The following SGIP1 variants were observed in gnomAD, a reference collection of about 807,000 sequenced individuals.
SGIP1 encodes the protein SH3-containing GRB2-like protein 3-interacting protein 1.
A neutral mutation model predicts 107.5 loss-of-function variants in SGIP1; 38 were observed. The ratio of observed to expected loss-of-function variants is 0.35; its 90% CI spans 0.27 to 0.46. The LOEUF (loss-of-function observed/expected upper bound fraction) is 0.46, where lower values mean the gene tolerates loss of function less well. SGIP1 is among the 20% of genes least tolerant of loss of function. SGIP1 has a pLI of 1.00. For missense variants in SGIP1, 929 were observed against 1,019.5 expected (o/e 0.91, Z 1.21); for synonymous variants, 365 against 366.1 (o/e 1.00, Z 0.03).
chr1:66,614,218 G>C (rs1287071725), intron 1 of SGIP1, among the ~76,000 whole-genome samples: 1 of 152,200 alleles, frequency 6.6e-6, no homozygotes, highest in Non-Finnish European at 1.5e-5. Context: ...ATTCTGAAGG[G>C]ATGGCTTAAT....
At chr1:66,644,261 A>C (rs954439081) in intron 7 of SGIP1, among the ~76,000 whole-genome samples, 2 of 152,132 alleles carry the variant, frequency 1.3e-5, no homozygotes, top group Non-Finnish European at 2.9e-5. Context: ...AAATAATCTC[A>C]TCTTTAAGGT....
chr1:66,713,662 G>A (rs997265330), intron 18 of SGIP1, among the ~76,000 whole-genome samples: 8 of 151,952 alleles, frequency 5.3e-5, no homozygotes, highest in Non-Finnish European at 7.4e-5. Context: ...AACTCCATAG[G>A]GGGAAGGATA....
intron 12 of SGIP1, among the ~76,000 whole-genome samples, chr1:66,675,541 C>CTTTTTTTTTTTTTT (rs71242802): frequency 1.8e-5 from 2 of 112,388 alleles, no homozygotes; most frequent in Non-Finnish European, 3.3e-5. Flanking sequence ...CTTTTTCTTT[C>CTTTTTTTTTTTTTT]TTTTTTTTTT....
chr1:66,579,648 T>G (rs72676179), intron 1 of SGIP1, among the ~76,000 whole-genome samples: 7,515 of 152,258 alleles, frequency 0.049, 282 homozygotes, highest in Non-Finnish European at 0.073. Flanking sequence ...CTTACTTTTT[T>G]GTCCACCCTT....
At chr1:66,589,193 T>C (rs1335536563) in intron 1 of SGIP1, among the ~76,000 whole-genome samples, 2 of 79,458 alleles carry the variant, frequency 2.5e-5, no homozygotes, top group Non-Finnish European at 4.9e-5. Flanking sequence ...TATATATATA[T>C]ATATATATAT....
chr1:66,720,020 T>C (rs2093444767), intron 19 of SGIP1, among the ~76,000 whole-genome samples: 1 of 152,224 alleles, frequency 6.6e-6, no homozygotes, highest in Non-Finnish European at 1.5e-5. Flanking sequence ...GAGCCTGATT[T>C]CACTTATACA....
chr1:66,645,131 T>C (rs1421376641), intron 7 of SGIP1, among the ~76,000 whole-genome samples: 1 of 152,236 alleles, frequency 6.6e-6, no homozygotes, highest in Non-Finnish European at 1.5e-5. Flanking sequence ...TCTGAGTTTG[T>C]TCTCTGTGTA....
At chr1:66,643,768 C>A in intron 7 of SGIP1, 49 bp downstream of exon 7, 2 of 1,518,758 alleles carry the variant, frequency 1.3e-6, no homozygotes, top group Admixed American at 2.3e-5. Context: ...TTGAACAGGG[C>A]TATGTTCTGC....
At chr1:66,556,226 A>G (rs956927256) in intron 1 of SGIP1, among the ~76,000 whole-genome samples, 3 of 152,134 alleles carry the variant, frequency 2.0e-5, no homozygotes, top group Non-Finnish European at 2.9e-5. Context: ...CTGGCTGCTT[A>G]TAAATAGGTC....
chr1:66,700,328 A>G (rs11208950), intron 18 of SGIP1, among the ~76,000 whole-genome samples: 62,734 of 147,866 alleles, frequency 0.42, 13,796 homozygotes, highest in East Asian at 0.72. Context: ...CCAAGATTGC[A>G]CCACTGCACT....
intron 7 of SGIP1, among the ~76,000 whole-genome samples, chr1:66,652,627 C>G (rs1361225772): frequency 6.6e-6 from 1 of 152,096 alleles, no homozygotes; most frequent in African/African-American, 2.4e-5. Context: ...GTGGCCCACC[C>G]ACCCTTCCAC....
intron 1 of SGIP1, among the ~76,000 whole-genome samples, chr1:66,581,347 G>A (rs542755581): frequency 1.3e-5 from 2 of 152,010 alleles, no homozygotes; most frequent in African/African-American, 2.4e-5. Context: ...GTAAATAGGG[G>A]TAATAATATC....
intron 1 of SGIP1, among the ~76,000 whole-genome samples, chr1:66,610,157 TTA>T (rs992825020): frequency 2.1e-4 from 32 of 152,174 alleles, no homozygotes; most frequent in African/African-American, 7.7e-4. Context: ...TAGAAAATAA[TTA>T]GATATATTTA....
chr1:66,685,232 A>G (rs2087911209), intron 15 of SGIP1, among the ~76,000 whole-genome samples: 1 of 152,232 alleles, frequency 6.6e-6, no homozygotes, highest in Non-Finnish European at 1.5e-5. Flanking sequence ...CTCATTTTTA[A>G]AATTTTATTC....
At chr1:66,551,984 C>G (rs1428973501) in intron 1 of SGIP1, among the ~76,000 whole-genome samples, 1 of 152,154 alleles carries the variant, frequency 6.6e-6, no homozygotes, top group African/African-American at 2.4e-5. Context: ...GATCACCTAT[C>G]TCTCACCATA....
chr1:66,600,814 G>A, intron 1 of SGIP1, among the ~76,000 whole-genome samples: 1 of 152,178 alleles, frequency 6.6e-6, no homozygotes, highest in Non-Finnish European at 1.5e-5. Context: ...GATTAGGTTT[G>A]CAAACTAGAA....
intron 1 of SGIP1, among the ~76,000 whole-genome samples, chr1:66,591,976 T>C (rs2063718046): frequency 6.6e-6 from 1 of 152,192 alleles, no homozygotes; most frequent in Admixed American, 6.5e-5. Context: ...CCTCCAGCCA[T>C]AAGGTGGTTT....
At chr1:66,548,498 G>GA (rs2056832873) in intron 1 of SGIP1, among the ~76,000 whole-genome samples, 1 of 151,910 alleles carries the variant, frequency 6.6e-6, no homozygotes, top group Non-Finnish European at 1.5e-5. Context: ...GCTGACAGCT[G>GA]AAAAAAATGA....
At chr1:66,578,686 T>G (rs1486356243) in intron 1 of SGIP1, among the ~76,000 whole-genome samples, 3 of 152,214 alleles carry the variant, frequency 2.0e-5, no homozygotes, top group Non-Finnish European at 4.4e-5. Flanking sequence ...TTTTTTTTCT[T>G]TTGAGATGGA....
Sources: allele counts gnomAD v4.1 joint callset (sites outside exome capture counted in the v4.1 genomes callset), GRCh38; gene constraint gnomAD v4.1.1; transcripts MANE v1.5; gene names NCBI Gene and HGNC (gene_info 2026-07-23, HGNC 2026-07-21).